NRXN1: variants seen among roughly 807,000 people sequenced by gnomAD.
NRXN1 encodes the protein neurexin-1.
Under a neutral mutation model 150.9 loss-of-function variants are expected in NRXN1, and 39 were observed. That is an observed-to-expected ratio of 0.26 (90% CI 0.20 to 0.34). The LOEUF (loss-of-function observed/expected upper bound fraction) is 0.34. Among genes scored for constraint, NRXN1 ranks in the 10% least tolerant of loss-of-function variants. The pLI, the probability that NRXN1 is intolerant of heterozygous loss-of-function variation, is 1.00. For missense variants in NRXN1, 1,815 were observed against 1,949.9 expected (o/e 0.93, Z 1.30); for synonymous variants, 924 against 757.0 (o/e 1.22, Z -3.62).
chr2:50,284,262 G>C (rs2071827958), intron 17 of NRXN1, among the ~76,000 whole-genome samples: 2 of 152,084 alleles, frequency 1.3e-5, no homozygotes, highest in South Asian at 4.1e-4. Context: ...CTTAATCCAA[G>C]GCCGATACTG....
At chr2:49,936,243 G>A (rs753716741) in intron 22 of NRXN1, among the ~76,000 whole-genome samples, 42 of 152,154 alleles carry the variant, frequency 2.8e-4, no homozygotes, top group Non-Finnish European at 8.8e-5. Context: ...TCATATGTTA[G>A]TTAAAACATT....
chr2:50,884,252 T>C (rs1016992065), intron 5 of NRXN1, among the ~76,000 whole-genome samples: 8 of 151,858 alleles, frequency 5.3e-5, no homozygotes, highest in African/African-American at 1.9e-4. Context: ...ACATATTGTT[T>C]GGTAAATGTT....
chr2:50,485,236 G>A (rs574041767), intron 15 of NRXN1, among the ~76,000 whole-genome samples: 2 of 152,276 alleles, frequency 1.3e-5, no homozygotes, highest in South Asian at 4.1e-4. Flanking sequence ...GTGAGAATGA[G>A]ACAGACATCC....
intron 17 of NRXN1, among the ~76,000 whole-genome samples, chr2:50,406,969 C>T (rs934678732): frequency 6.6e-6 from 1 of 152,110 alleles, no homozygotes; most frequent in East Asian, 1.9e-4. Flanking sequence ...GCTTCAAGAA[C>T]TTGAAAAGCC....
chr2:50,579,419 G>A (rs1414849576), intron 8 of NRXN1, among the ~76,000 whole-genome samples: 4 of 152,168 alleles, frequency 2.6e-5, no homozygotes, highest in African/African-American at 7.2e-5. Context: ...CTGGTACTTC[G>A]GAAGGCCGAG....
chr2:50,879,105 T>C (rs1163813870), intron 5 of NRXN1, among the ~76,000 whole-genome samples: 3 of 151,890 alleles, frequency 2.0e-5, no homozygotes, highest in Admixed American at 6.6e-5. Context: ...TGACCCTACA[T>C]AGTGTGGCTG....
chr2:49,925,142 T>C (rs72885862), intron 22 of NRXN1, among the ~76,000 whole-genome samples: 18,534 of 152,012 alleles, frequency 0.12, 1,431 homozygotes, highest in South Asian at 0.22. Context: ...TAGCTGGGCA[T>C]GGTGGCATGC....
intron 17 of NRXN1, among the ~76,000 whole-genome samples, chr2:50,242,931 G>T (rs569835263): frequency 6.6e-6 from 1 of 151,682 alleles, no homozygotes; most frequent in African/African-American, 2.4e-5. Context: ...TTTAGGCACA[G>T]GTCCCATATT....
At chr2:50,302,956 T>A (rs2074300035) in intron 17 of NRXN1, among the ~76,000 whole-genome samples, 1 of 152,140 alleles carries the variant, frequency 6.6e-6, no homozygotes, top group Non-Finnish European at 1.5e-5. Context: ...CATCTATTCA[T>A]TTGTTCATCC....
At chr2:50,701,166 A>C (rs561526901) in intron 5 of NRXN1, among the ~76,000 whole-genome samples, 1 of 152,260 alleles carries the variant, frequency 6.6e-6, no homozygotes, top group Non-Finnish European at 1.5e-5. Flanking sequence ...ATTTTTGAAC[A>C]GATAATATTT....
At chr2:50,530,937 C>A (rs2093085094) in intron 11 of NRXN1, among the ~76,000 whole-genome samples, 1 of 152,088 alleles carries the variant, frequency 6.6e-6, no homozygotes, top group South Asian at 2.1e-4. Context: ...CTTGAGGCAA[C>A]CTCAGGCTTA....
intron 5 of NRXN1, among the ~76,000 whole-genome samples, chr2:50,898,901 T>C (rs1262735511): frequency 6.6e-6 from 1 of 151,490 alleles, no homozygotes. Context: ...AGATTTTGAA[T>C]GTAGTACCTA....
At chr2:50,017,015 G>C (rs1003465742) in intron 21 of NRXN1, among the ~76,000 whole-genome samples, 3 of 152,108 alleles carry the variant, frequency 2.0e-5, no homozygotes, top group African/African-American at 7.2e-5. Flanking sequence ...ATCTATATTT[G>C]TTCTTTTTTC....
At chr2:50,474,125 G>C (rs950149000) in intron 15 of NRXN1, among the ~76,000 whole-genome samples, 1 of 151,816 alleles carries the variant, frequency 6.6e-6, no homozygotes, top group East Asian at 1.9e-4. Context: ...GTCAGAGAGG[G>C]GATACTATTT....
chr2:50,770,965 T>C (rs1702944715), intron 5 of NRXN1, among the ~76,000 whole-genome samples: 1 of 152,112 alleles, frequency 6.6e-6, no homozygotes. Flanking sequence ...TTTCAAGGAA[T>C]GTATCTTAAT....
intron 5 of NRXN1, among the ~76,000 whole-genome samples, chr2:50,804,459 C>T (rs1468532982): frequency 6.6e-6 from 1 of 152,122 alleles, no homozygotes; most frequent in Non-Finnish European, 1.5e-5. Context: ...ATATAGGAAA[C>T]ACATGTCAGA....
At chr2:50,120,743 G>GT (rs1388114794) in intron 18 of NRXN1, among the ~76,000 whole-genome samples, 67 of 151,402 alleles carry the variant, frequency 4.4e-4, no homozygotes, top group Non-Finnish European at 1.8e-4. Flanking sequence ...TACCGGTTAA[G>GT]TTATTAAAAT....
intron 5 of NRXN1, among the ~76,000 whole-genome samples, chr2:50,631,900 T>C (rs150146948): frequency 1.3e-5 from 2 of 152,086 alleles, no homozygotes; most frequent in East Asian, 3.9e-4. Context: ...ATGCTGTATC[T>C]TTTAACCTGA....
intron 18 of NRXN1, among the ~76,000 whole-genome samples, chr2:50,108,851 G>C (rs1021897106): frequency 2.0e-5 from 3 of 152,042 alleles, no homozygotes; most frequent in Non-Finnish European, 2.9e-5. Flanking sequence ...AAAAATAACA[G>C]TTTAAATTAT....
Sources: allele counts gnomAD v4.1 joint callset (sites outside exome capture counted in the v4.1 genomes callset), GRCh38; gene constraint gnomAD v4.1.1; transcripts MANE v1.5; gene names NCBI Gene and HGNC (gene_info 2026-07-23, HGNC 2026-07-21).